The following MTHFD1L variants were observed in gnomAD, a reference collection of about 807,000 sequenced individuals.
MTHFD1L encodes methylenetetrahydrofolate dehydrogenase (NADP+ dependent) 1 like, also known as monofunctional C1-tetrahydrofolate synthase, mitochondrial.
MTHFD1L carries 81 observed loss-of-function variants against 119.5 expected under a neutral mutation model. The ratio of observed to expected loss-of-function variants is 0.68; its 90% confidence interval spans 0.57 to 0.82. The LOEUF (loss-of-function observed/expected upper bound fraction) is 0.82. Among genes scored for constraint, MTHFD1L ranks in the 40% least tolerant of loss-of-function variants. The probability of loss-of-function intolerance (pLI) is 0.00; values close to 1 mark genes in which losing one functional copy is unlikely to be tolerated. For synonymous variants in MTHFD1L, 430 were observed against 475.2 expected (o/e 0.90, Z 1.24); for missense variants, 1,125 against 1,253.4 (o/e 0.90, Z 1.55).
At chr6:150,984,571 G>GA (rs77899794) in intron 20 of MTHFD1L, among the ~76,000 whole-genome samples, 26,750 of 108,994 alleles carry the variant, frequency 0.25, 2,571 homozygotes, top group Middle Eastern at 0.36. Context: ...AAAAACAAGG[G>GA]AAAAAAAAAA....
chr6:150,875,699 C>T (rs892808809), intron 1 of MTHFD1L, among the ~76,000 whole-genome samples: 19 of 152,050 alleles, frequency 1.2e-4, no homozygotes, highest in Admixed American at 1.3e-4. Flanking sequence ...ACTTTATTTG[C>T]TTTCCCCATG....
intron 4 of MTHFD1L, among the ~76,000 whole-genome samples, chr6:150,878,320 C>T (rs574907239): frequency 1.3e-4 from 19 of 152,000 alleles, no homozygotes; most frequent in African/African-American, 4.6e-4. Context: ...GGTGCCATCT[C>T]GGCTCACTGC....
At chr6:151,099,786 G>T (rs1760851612) in intron 27 of MTHFD1L, 1 of 1,607,554 alleles carries the variant, frequency 6.2e-7, no homozygotes, top group African/African-American at 1.3e-5. Flanking sequence ...AGCTGGAAGT[G>T]CTGCTGATGT....
chr6:150,984,752 T>G (rs931218960), intron 20 of MTHFD1L, among the ~76,000 whole-genome samples: 2 of 152,210 alleles, frequency 1.3e-5, no homozygotes, highest in African/African-American at 4.8e-5. Flanking sequence ...AAGATCAACA[T>G]GGTACTAATA....
chr6:150,990,143 G>T (rs1778852708), intron 20 of MTHFD1L, among the ~76,000 whole-genome samples: 1 of 152,058 alleles, frequency 6.6e-6, no homozygotes. Flanking sequence ...GCCAGGTGAG[G>T]TGGTGCGTGC....
At chr6:150,908,633 A>G (rs1786343993) in intron 8 of MTHFD1L, among the ~76,000 whole-genome samples, 1 of 151,812 alleles carries the variant, frequency 6.6e-6, no homozygotes, top group Admixed American at 6.6e-5. Flanking sequence ...TTTTCTCAAA[A>G]AAAAAGAAAA....
intron 26 of MTHFD1L, among the ~76,000 whole-genome samples, chr6:151,053,797 T>A (rs1584337737): frequency 6.6e-6 from 1 of 151,268 alleles, no homozygotes; most frequent in African/African-American, 2.4e-5. Context: ...GAGGTGGAGG[T>A]TGCAGTGAGC....
intron 26 of MTHFD1L, 52 bp from the exon 27 acceptor site, chr6:151,092,415 G>A (rs372935852): frequency 6.3e-6 from 9 of 1,418,784 alleles, no homozygotes; most frequent in African/African-American, 5.7e-5. Flanking sequence ...ATCAGATGTT[G>A]TGGCCGCTTT....
intron 20 of MTHFD1L, among the ~76,000 whole-genome samples, chr6:150,981,862 G>A (rs1055525221): frequency 1.3e-5 from 2 of 152,176 alleles, no homozygotes; most frequent in Middle Eastern, 3.2e-3. Context: ...AAGGTGGGAG[G>A]ATTGCTTGAG....
intron 11 of MTHFD1L, among the ~76,000 whole-genome samples, chr6:150,929,127 G>A (rs546888983): frequency 6.6e-6 from 1 of 152,220 alleles, no homozygotes; most frequent in East Asian, 1.9e-4. Context: ...GCAAGGAGCT[G>A]CCTCTGGTTA....
intron 20 of MTHFD1L, among the ~76,000 whole-genome samples, chr6:151,002,644 C>T (rs1238526878): frequency 4.6e-5 from 7 of 152,180 alleles, no homozygotes; most frequent in African/African-American, 7.2e-5. Context: ...ATACTGTTGA[C>T]GCAACACATC....
chr6:150,869,996 CTGACCTCAAA>C (rs1437105539), intron 1 of MTHFD1L, among the ~76,000 whole-genome samples: 1 of 152,176 alleles, frequency 6.6e-6, no homozygotes, highest in Non-Finnish European at 1.5e-5. Context: ...TCTTGAACTC[CTGACCTCAAA>C]TGATCCACCC....
chr6:151,048,126 A>G (rs1404509431), intron 26 of MTHFD1L, among the ~76,000 whole-genome samples: 1 of 152,196 alleles, frequency 6.6e-6, no homozygotes, highest in Non-Finnish European at 1.5e-5. Context: ...ACTGAAGATC[A>G]TAATTCATCA....
At chr6:150,866,267 C>T (rs1335840143) in intron 1 of MTHFD1L, 7 of 1,450,044 alleles carry the variant, frequency 4.8e-6, no homozygotes, top group Non-Finnish European at 6.3e-6. Flanking sequence ...CGACCGGGCC[C>T]GCAGCGCAGG....
chr6:151,088,433 A>G (rs1262841834), intron 26 of MTHFD1L: 1 of 152,074 alleles, frequency 6.6e-6, no homozygotes, highest in East Asian at 1.9e-4. Flanking sequence ...ACTTTCTGGC[A>G]TTTAATATTT....
intron 12 of MTHFD1L, among the ~76,000 whole-genome samples, 165 bp from the exon 13 acceptor site, chr6:150,938,534 G>A (rs1046717906): frequency 6.6e-6 from 1 of 151,258 alleles, no homozygotes; most frequent in Non-Finnish European, 1.5e-5. Context: ...TTTTGTTGTT[G>A]TTCTGCTTGG....
At chr6:150,903,741 G>A (rs1460380706) in intron 7 of MTHFD1L, among the ~76,000 whole-genome samples, 1 of 152,134 alleles carries the variant, frequency 6.6e-6, no homozygotes, top group Non-Finnish European at 1.5e-5. Flanking sequence ...CCTCGGCAAA[G>A]GTTTTAGTAG....
intron 26 of MTHFD1L, among the ~76,000 whole-genome samples, chr6:151,080,877 G>A (rs1793078542): frequency 6.6e-6 from 1 of 152,132 alleles, no homozygotes; most frequent in Admixed American, 6.5e-5. Flanking sequence ...TTGGATTAGG[G>A]CCCCATGCTT....
chr6:150,945,481 G>C lies in MTHFD1L; in HGVS notation c.1563G>C (p.Arg521=), dbSNP rs200434757. Residue 521 remains arginine (R), a synonymous_variant, in exon 15 of 28, where the codon CGG becomes CGC. Transcript: ENST00000367321. ...NTQTDKALYN[R]LVPLVNGVRE... The stretch of plus-strand genomic sequence containing the variant: ...TGTGTTTTTAGGCTCTGTATAATCG[G>C]CTGGTTCCTTTAGTGAATGGTGTCA... The C allele has an allele frequency of 6.2e-7, 1 of 1,613,624 alleles. No individual in the cohort carries two copies. The highest frequency in any genetic ancestry group is 1.3e-5 in the African/African-American group (1 of 74,892).
Sources: allele counts gnomAD v4.1 joint callset (sites outside exome capture counted in the v4.1 genomes callset), GRCh38; gene constraint gnomAD v4.1.1; transcripts MANE v1.5; gene names NCBI Gene and HGNC (gene_info 2026-07-23, HGNC 2026-07-21).